BRINP1: variants seen among roughly 807,000 people sequenced by gnomAD.
The protein encoded by BRINP1 is BMP/retinoic acid-inducible neural-specific protein 1.
In BRINP1, 17 loss-of-function variants were observed where a neutral mutation model predicts 72.9. That is an observed-to-expected ratio of 0.23 (90% CI 0.16 to 0.35). The LOEUF (loss-of-function observed/expected upper bound fraction) is 0.35. Ranked by LOEUF, BRINP1 falls within the 10% of genes least tolerant of loss-of-function variation. The pLI, the probability that BRINP1 is intolerant of heterozygous loss-of-function variation, is 1.00. For missense variants in BRINP1, 850 were observed against 1,001.6 expected (o/e 0.85, Z 2.04); for synonymous variants, 418 against 378.5 (o/e 1.10, Z -1.21).
At chr9:119,361,794 T>C (rs1355476462) in intron 1 of BRINP1, among the ~76,000 whole-genome samples, 1 of 144,778 alleles carries the variant, frequency 6.9e-6, no homozygotes, top group African/African-American at 2.6e-5. Context: ...CTACAGTTTT[T>C]GCATTTTTTT....
At chr9:119,335,903 C>T (rs1194723384) in intron 1 of BRINP1, among the ~76,000 whole-genome samples, 2 of 152,152 alleles carry the variant, frequency 1.3e-5, no homozygotes. Flanking sequence ...CCTGATGGCC[C>T]ATAGAGAAGA....
At chr9:119,171,450 C>T (rs1232184234) in intron 7 of BRINP1, among the ~76,000 whole-genome samples, 1 of 149,640 alleles carries the variant, frequency 6.7e-6, no homozygotes, top group African/African-American at 2.5e-5. Context: ...AATATATATG[C>T]ACCCAATACA....
At chr9:119,266,705 T>C (rs1830551471) in intron 2 of BRINP1, among the ~76,000 whole-genome samples, 1 of 152,236 alleles carries the variant, frequency 6.6e-6, no homozygotes, top group Non-Finnish European at 1.5e-5. Context: ...TCTGCTTCTA[T>C]GAATTCGATT....
intron 2 of BRINP1, among the ~76,000 whole-genome samples, chr9:119,295,941 A>C (rs2118977522): frequency 6.6e-6 from 1 of 152,340 alleles, no homozygotes; most frequent in South Asian, 2.1e-4. Context: ...AAACACTAGA[A>C]GAAAACAGAG....
At chr9:119,240,143 C>T (rs1485248326) in intron 4 of BRINP1, among the ~76,000 whole-genome samples, 1 of 152,048 alleles carries the variant, frequency 6.6e-6, no homozygotes, top group Non-Finnish European at 1.5e-5. Flanking sequence ...GTGGCGCGCA[C>T]CTGTAGTCCC....
intron 5 of BRINP1, among the ~76,000 whole-genome samples, chr9:119,225,425 T>C (rs769899949): frequency 2.0e-5 from 3 of 150,808 alleles, no homozygotes; most frequent in African/African-American, 4.9e-5. Flanking sequence ...TAAAATAGCA[T>C]AGTATTTGCA....
At chr9:119,319,840 C>G (rs1212437635) in intron 1 of BRINP1, among the ~76,000 whole-genome samples, 1 of 152,210 alleles carries the variant, frequency 6.6e-6, no homozygotes, top group Non-Finnish European at 1.5e-5. Context: ...ACAGTCTGTA[C>G]AATTTCCAGC....
chr9:119,300,458 T>C (rs1830928095), intron 2 of BRINP1, among the ~76,000 whole-genome samples: 1 of 152,200 alleles, frequency 6.6e-6, no homozygotes, highest in South Asian at 2.1e-4. Context: ...ATTGCATACC[T>C]GTATCAAAAT....
At chr9:119,302,248 G>T (rs939613974) in intron 2 of BRINP1, among the ~76,000 whole-genome samples, 1 of 152,016 alleles carries the variant, frequency 6.6e-6, no homozygotes, top group African/African-American at 2.4e-5. Context: ...TCTGGCACTT[G>T]GTACAATTTC....
At chr9:119,186,510 G>A (rs1829622305) in intron 7 of BRINP1, among the ~76,000 whole-genome samples, 2 of 152,136 alleles carry the variant, frequency 1.3e-5, no homozygotes, top group African/African-American at 4.8e-5. Context: ...CCATGCCCAA[G>A]CTGGCAGAGC....
In BRINP1 at chr9:119,369,269, G is replaced by A; in HGVS notation, c.-264C>T. On this transcript the variant is annotated 5_prime_UTR_variant, in exon 1 of 8. Coordinates refer to ENST00000265922, the MANE Select transcript of BRINP1 (RefSeq NM_014618.3). ...AGGACAGGCATGAATCCCGGCTCCGGAAGGCGGTCACTACTCCCTCTGCCT... is the reference window on the plus strand; with the variant it reads ...AGGACAGGCATGAATCCCGGCTCCGAAAGGCGGTCACTACTCCCTCTGCCT... The A allele has an allele frequency of 2.5e-6, 1 of 398,796 alleles. No homozygotes were observed. The highest frequency in any genetic ancestry group is 4.4e-6 in the Non-Finnish European group (1 of 226,174). 24.7% of individuals were successfully genotyped at this position (398,796 alleles called of 1,614,324 possible).
chr9:119,282,869 G>C (rs1421238483), intron 2 of BRINP1: 1 of 985,164 alleles, frequency 1.0e-6, no homozygotes, highest in Non-Finnish European at 1.2e-6. Flanking sequence ...TACCTCTTAC[G>C]GTTGCGCTTT....
intron 7 of BRINP1, among the ~76,000 whole-genome samples, chr9:119,171,053 C>A (rs1222727490): frequency 2.2e-5 from 3 of 134,222 alleles, no homozygotes; most frequent in Non-Finnish European, 4.4e-5. Context: ...ACCATCAAGA[C>A]TAGAAAGAAA....
At chr9:119,291,827 T>C (rs535671290) in intron 2 of BRINP1, among the ~76,000 whole-genome samples, 69 of 152,186 alleles carry the variant, frequency 4.5e-4, no homozygotes, top group East Asian at 1.7e-3. Flanking sequence ...AATTATAGAG[T>C]AGGCTGAAAT....
At chr9:119,331,474 C>T (rs2119012625) in intron 1 of BRINP1, among the ~76,000 whole-genome samples, 1 of 152,334 alleles carries the variant, frequency 6.6e-6, no homozygotes, top group East Asian at 1.9e-4. Flanking sequence ...AAAGAAATAA[C>T]AGCAATTTGT....
At position 119,361,632 on chromosome 9, in the gene BRINP1, T is replaced by G. The variant is rs756430978; in HGVS notation, c.-51+7424A>C. 2.6e-5 allele frequency among the ~76,000 whole-genome samples: 4 copies of G among 152,020 alleles called. No homozygotes were observed. The East Asian group carries it at 7.7e-4, about 29-fold the overall frequency. ...TATTCTTCTTCTTCTTTTTTTTGTT[T>G]TTTTTTCAGACAGAGCCTCACTCTG... On this transcript the variant is annotated intron_variant, in intron 1 of 7. Transcript: ENST00000265922.
At chr9:119,185,395 T>C (rs1829606540) in intron 7 of BRINP1, among the ~76,000 whole-genome samples, 1 of 152,196 alleles carries the variant, frequency 6.6e-6, no homozygotes, top group African/African-American at 2.4e-5. Flanking sequence ...GACTAGATTT[T>C]AAAGGACAAT....
intron 7 of BRINP1, among the ~76,000 whole-genome samples, chr9:119,200,221 C>T (rs1243638208): frequency 6.6e-6 from 1 of 151,946 alleles, no homozygotes; most frequent in Non-Finnish European, 1.5e-5. Flanking sequence ...TGTGACAGGT[C>T]ATGTGGTAGG....
intron 2 of BRINP1, among the ~76,000 whole-genome samples, chr9:119,279,244 G>C (rs1830685462): frequency 6.6e-6 from 1 of 152,218 alleles, no homozygotes; most frequent in Non-Finnish European, 1.5e-5. Context: ...TCACCTAATG[G>C]ATGTATTAAC....
Sources: gnomAD v4.1 joint callset for allele counts (sites outside exome capture counted in the v4.1 genomes callset) on GRCh38, gnomAD v4.1.1 for gene constraint, MANE v1.5 for transcripts, NCBI Gene and HGNC (gene_info 2026-07-23, HGNC 2026-07-21) for gene names.